Variants in SP110 observed in about 807,000 individuals in gnomAD.
SP110 encodes the protein SP110 nuclear body protein.
A neutral mutation model predicts 92.7 loss-of-function variants in SP110; 62 were observed. That is an observed-to-expected ratio of 0.67 (90% CI 0.55 to 0.83). SP110 has a LOEUF of 0.83. Among genes scored for constraint, SP110 ranks in the 40% least tolerant of loss-of-function variants. The pLI, the probability that SP110 is intolerant of heterozygous loss-of-function variation, is 0.00. For missense variants in SP110, 793 were observed against 863.9 expected (o/e 0.92, Z 1.03); for synonymous variants, 273 against 305.3 (o/e 0.89, Z 1.10).
intron 6 of SP110, among the ~76,000 whole-genome samples, chr2:230,210,911 G>A (rs2044395373): frequency 6.6e-6 from 1 of 152,204 alleles, no homozygotes; most frequent in African/African-American, 2.4e-5. Flanking sequence ...GGTTGAAAGT[G>A]AAAATTCCCC....
rs2078352539 is a variant in SP110 at position 230,168,716 on chromosome 2, TAATAGG to T, written c.*402_*407del. ...AGAAAATTCCAGATTGCAAAAAATG[TAATAGG>T]ACCAAAACCCTGAGTTCTTCAATAA... On this transcript the variant is annotated 3_prime_UTR_variant, in exon 19 of 19. Coordinates refer to ENST00000258381, the MANE Select transcript of SP110 (RefSeq NM_080424.4). 6.1e-6 allele frequency: 1 copy of T among 164,652 alleles called. No individual in the cohort carries two copies. Among genetic ancestry groups the T allele is most frequent in the African/African-American group, 2.4e-5 (1 of 41,540 alleles). The allele number at this position is 164,652 out of a possible 1,614,324, so 10.2% of individuals were successfully genotyped here.
chr2:230,193,029 G>T (rs1456418460), intron 10 of SP110, among the ~76,000 whole-genome samples: 1 of 152,116 alleles, frequency 6.6e-6, no homozygotes, highest in African/African-American at 2.4e-5. Flanking sequence ...GAATCTGGGA[G>T]CTCCAGTGTT....
At position 230,215,056 on chromosome 2, in the gene SP110, G is replaced by A; in HGVS notation, c.210C>T (p.Thr70=). 1 of 1,613,438 alleles carries A rather than the reference G, an allele frequency of 6.2e-7. No homozygotes were observed. Among genetic ancestry groups the A allele is most frequent in the Non-Finnish European group, 8.5e-7 (1 of 1,179,378 alleles). ...ACAGGTTAAAAGTCCTCTCCAGTTG[G>A]GTGAGAATGTTGTGCACCACTCTGG... is the stretch of plus-strand genomic sequence containing the variant. ...PVSRVVHNIL[T]QLERTFNLSL... Residue 70 remains threonine, a synonymous_variant, in exon 3 of 19, where the codon ACC becomes ACT. Coordinates refer to ENST00000258381, the MANE Select transcript of SP110 (RefSeq NM_080424.4).
At chr2:230,177,410 G>A (rs2041914452) in intron 14 of SP110, 128 bp downstream of exon 14, 1 of 1,027,664 alleles carries the variant, frequency 9.7e-7, no homozygotes, top group Non-Finnish European at 1.5e-6. Context: ...TTTTTTCTAT[G>A]AACATTTAAC....
chr2:230,193,808 A>G (rs1055632087), intron 10 of SP110, among the ~76,000 whole-genome samples: 2 of 152,214 alleles, frequency 1.3e-5, no homozygotes, highest in Non-Finnish European at 2.9e-5. Context: ...GCTTGCTAGA[A>G]TTGAGAAGCC....
intron 12 of SP110, among the ~76,000 whole-genome samples, chr2:230,183,120 A>G (rs1388172929): frequency 1.3e-5 from 2 of 152,176 alleles, no homozygotes; most frequent in African/African-American, 4.8e-5. Context: ...ATGCAAGAAG[A>G]GGAGTGGGAG....
intron 10 of SP110, among the ~76,000 whole-genome samples, chr2:230,196,853 C>T (rs951437223): frequency 2.6e-5 from 4 of 152,160 alleles, no homozygotes; most frequent in African/African-American, 9.7e-5. Context: ...TCATCCATGT[C>T]CCTACAAAGG....
chr2:230,211,323 G>A lies in SP110; in HGVS notation c.751+147C>T. 1.4e-6 allele frequency: 1 copy of A among 698,954 alleles called. No individual in the cohort carries two copies. Among genetic ancestry groups the A allele is most frequent in the South Asian group, 1.5e-5 (1 of 67,218 alleles). The allele number at this position is 698,954 out of a possible 1,614,324, so 43.3% of individuals were successfully genotyped here. Reference sequence around the variant, plus strand: ...GAGGTCGGGTCTCCTGCCTGTTCAAGCTCCCAAGTGCTGGGTGAACTGGAA... The same window carrying A: ...GAGGTCGGGTCTCCTGCCTGTTCAAACTCCCAAGTGCTGGGTGAACTGGAA... On this transcript the variant is annotated intron_variant, in intron 6 of 18. Coordinates refer to ENST00000258381, the MANE Select transcript of SP110 (RefSeq NM_080424.4). The surrounding 1 kb of genome is among the most constrained non-coding windows in gnomAD (Gnocchi z 4.2).
chr2:230,192,004 C>T (rs937575061), intron 10 of SP110, among the ~76,000 whole-genome samples: 1 of 152,170 alleles, frequency 6.6e-6, no homozygotes, highest in African/African-American at 2.4e-5. Context: ...TAAGCATAAT[C>T]CATCACATAA....
intron 8 of SP110, among the ~76,000 whole-genome samples, chr2:230,207,594 C>T (rs1281784005): frequency 6.6e-6 from 1 of 152,134 alleles, no homozygotes; most frequent in Non-Finnish European, 1.5e-5. Context: ...TGGGCATTAC[C>T]ACTTACTTGT....
At chr2:230,212,531 A>C (rs1014847620) in intron 4 of SP110, 101 bp from the exon 5 acceptor site, 1 of 1,098,238 alleles carries the variant, frequency 9.1e-7, no homozygotes, top group Non-Finnish European at 1.4e-6. Flanking sequence ...TCAAGGCACA[A>C]GGGCAGAGGG....
At chr2:230,217,838 A>G (rs2045393171) in intron 1 of SP110, among the ~76,000 whole-genome samples, 1 of 152,236 alleles carries the variant, frequency 6.6e-6, no homozygotes, top group Admixed American at 6.5e-5. Flanking sequence ...CCACCCTAAA[A>G]TGGGTAGAGT....
intron 14 of SP110, 132 bp from the exon 15 acceptor site, chr2:230,173,091 G>T: frequency 1.5e-6 from 1 of 685,664 alleles, no homozygotes; most frequent in Admixed American, 2.0e-5. Flanking sequence ...GATGGGGGGA[G>T]CTGATGCCAC....
At chr2:230,172,458 G>T (rs941046229) in intron 15 of SP110, 2 of 552,976 alleles carry the variant, frequency 3.6e-6, no homozygotes, top group Non-Finnish European at 6.5e-6. Context: ...TGCCTGCCAG[G>T]CTTGAGTGTC....
intron 10 of SP110, among the ~76,000 whole-genome samples, chr2:230,187,320 A>G: frequency 6.6e-6 from 1 of 152,028 alleles, no homozygotes; most frequent in Middle Eastern, 3.4e-3. Flanking sequence ...TATGTCTATT[A>G]ATGTCATTTG....
chr2:230,178,111 G>T, intron 13 of SP110, 46 bp downstream of exon 13: 1 of 1,166,038 alleles, frequency 8.6e-7, no homozygotes. Flanking sequence ...CTTCTAGTGA[G>T]TCCTTCATCT....
At chr2:230,207,842 T>C (rs190610403) in intron 8 of SP110, 149 bp downstream of exon 8, 5 of 644,054 alleles carry the variant, frequency 7.8e-6, no homozygotes, top group Non-Finnish European at 1.4e-5. Context: ...CGTAGCAAAA[T>C]TGAGCTTACA....
intron 11 of SP110, 57 bp from the exon 12 acceptor site, chr2:230,183,697 A>G: frequency 9.0e-7 from 1 of 1,106,958 alleles, no homozygotes. Flanking sequence ...TAAGCCTCAT[A>G]GGTTAACAAT....
Position 230,208,805 on chromosome 2 carries a change from G to T in SP110, c.830-746C>A, listed in dbSNP as rs529348557. ...TTCAGATGCAGTGTACAGGAAGTAG[G>T]TAAGTAGGGTCTTCCAAGACTTGCC... On this transcript the variant is annotated intron_variant, in intron 7 of 18. Coordinates refer to ENST00000258381, the MANE Select transcript of SP110 (RefSeq NM_080424.4). Among the ~76,000 whole-genome samples the T allele has an allele frequency of 1.0e-3, 153 of 152,326 alleles. 2 individuals carry two copies. The highest frequency in any genetic ancestry group is 9.7e-4 in the Non-Finnish European group (66 of 68,032).
Sources: allele counts gnomAD v4.1 joint callset (sites outside exome capture counted in the v4.1 genomes callset), GRCh38; gene constraint gnomAD v4.1.1; non-coding constraint Gnocchi (gnomAD v3.1); transcripts MANE v1.5; gene names NCBI Gene and HGNC (gene_info 2026-07-23, HGNC 2026-07-21).